Variants in CCDC187 observed in about 807,000 individuals in gnomAD.
CCDC187 encodes the protein coiled-coil domain containing 187.
CCDC187 carries 32 observed loss-of-function variants against 38.0 expected under a neutral mutation model. The observed-to-expected ratio is 0.84, with a 90% CI of 0.64 to 1.13. The LOEUF is 1.13. Ranked by LOEUF, CCDC187 falls within the 50% of genes most tolerant of loss-of-function variation. CCDC187 has a pLI of 0.00. For missense variants in CCDC187, 707 were observed against 786.8 expected, an observed-to-expected ratio of 0.90 and a Z score of 1.21; for synonymous variants, 333 against 347.9, an observed-to-expected ratio of 0.96 and a Z score of 0.48.
intron 12 of CCDC187, among the ~76,000 whole-genome samples, chr9:136,275,906 C>G (rs1830922655): frequency 6.6e-6 from 1 of 152,168 alleles, no homozygotes; most frequent in Non-Finnish European, 1.5e-5. Context: ...GCCTACCAAG[C>G]CTGGGACACG....
intron 9 of CCDC187, among the ~76,000 whole-genome samples, chr9:136,282,198 A>G (rs1014961849): frequency 1.2e-4 from 19 of 152,224 alleles, no homozygotes; most frequent in Non-Finnish European, 2.6e-4. Flanking sequence ...CCCACTGCTC[A>G]AGGCTGGCAC....
In CCDC187 at chr9:136,293,375, ACT is replaced by A. The variant is rs1256272419; in HGVS notation, c.833-1082_833-1081del. ...CTCACACACATTCACATGCTCACACACTCACACTCACATGCTCACACACTCAC... is the reference window on the plus strand; with the variant it reads ...CTCACACACATTCACATGCTCACACACACACTCACATGCTCACACACTCAC... On this transcript the variant is annotated intron_variant, in intron 4 of 25. Coordinates refer to ENST00000638797, the MANE Select transcript of CCDC187 (RefSeq NM_001378188.1). 7.8e-3 allele frequency among the ~76,000 whole-genome samples: 1,090 copies of A among 139,038 alleles called. 22 individuals are homozygous for A. The highest frequency in any genetic ancestry group is 0.013 in the Non-Finnish European group (831 of 63,964). 91.2% of individuals were successfully genotyped at this position (139,038 alleles called of 152,430 possible).
Position 136,285,514 on chromosome 9 carries a change from T to C in CCDC187, c.2926A>G (p.Ser976Gly). ...GGGCAGGTGGGCAGGTGGTCTTACC[T>C]CCCCGCAGAGGGGCTGAGGGCCTGG... Reference protein sequence around the residue: ...PFQALSPSAGSSYAGPATLHP... With the variant: ...PFQALSPSAGGSYAGPATLHP... Residue 976 changes from serine (S) to glycine (G), a missense_variant and splice_region_variant, in exon 9 of 26, where the codon AGC becomes GGC. Transcript: ENST00000638797. The C allele has an allele frequency of 2.5e-6, 1 of 406,932 alleles. No homozygotes were observed. Among genetic ancestry groups the C allele is most frequent in the Non-Finnish European group, 4.3e-6 (1 of 230,742 alleles). 25.2% of individuals were successfully genotyped at this position (406,932 alleles called of 1,614,324 possible). A position where few individuals can be genotyped will look rare whatever the true frequency, so the allele number is the denominator to read the frequency against.
At chr9:136,276,384 GATCCT>G (rs1398709049) in intron 11 of CCDC187, 83 bp from the exon 12 acceptor site, 3 of 152,164 alleles carry the variant, frequency 2.0e-5, no homozygotes, top group Non-Finnish European at 4.4e-5. Flanking sequence ...CACCCCAAGG[GATCCT>G]ATGTCTGGGC....
At chr9:136,293,818 TCA>T (rs1290210194) in intron 4 of CCDC187, among the ~76,000 whole-genome samples, 1 of 150,548 alleles carries the variant, frequency 6.6e-6, no homozygotes, top group Non-Finnish European at 1.5e-5. Context: ...ACACATGCTC[TCA>T]CACTCACACT....
At chr9:136,265,868 G>A (rs1267481074) in intron 17 of CCDC187, 88 bp downstream of exon 17, 1 of 641,250 alleles carries the variant, frequency 1.6e-6, no homozygotes, top group Non-Finnish European at 1.9e-6. Flanking sequence ...CTCTGTTGCT[G>A]GGGAATGTTC....
rs782469777 is a variant in CCDC187, at chr9:136,258,604, C to T, written c.4366+328G>A. 198 of 756,192 alleles carry T rather than the reference C, an allele frequency of 2.6e-4. No homozygotes were observed. The highest frequency in any genetic ancestry group is 3.1e-4 in the Non-Finnish European group (191 of 620,776). The allele number at this position is 756,192 out of a possible 1,614,324, so 46.8% of individuals were successfully genotyped here. A position where few individuals can be genotyped will look rare whatever the true frequency, so the allele number is the denominator to read the frequency against. ...AAAATGTAATCGGTGCAGAAACCTC[C>T]GTCAGCTGAAGACGCTCAGGCAGTG... On this transcript the variant is annotated intron_variant, in intron 22 of 25. Transcript: ENST00000638797. This position sits in a 1 kb window ranked among gnomAD's most constrained non-coding sequence, Gnocchi z 4.3.
chr9:136,266,007 G>A lies in CCDC187; in HGVS notation c.3684C>T (p.Ala1228=), dbSNP rs1200093128. The A allele has an allele frequency of 1.4e-5, 14 of 985,384 alleles. No individual in the cohort carries two copies. In the South Asian group the frequency reaches 2.8e-4, roughly 20 times the overall value. The allele number at this position is 985,384 out of a possible 1,614,324, so 61.0% of individuals were successfully genotyped here. A position where few individuals can be genotyped will look rare whatever the true frequency, so the allele number is the denominator to read the frequency against. The change falls in exon 17 of 26, where the codon GCC becomes GCT. Residue 1228 remains alanine (A), a synonymous_variant. Transcript: ENST00000638797. ...LDSKRDRAVL[A]ALVEKQQQAL... Reference sequence around the variant, plus strand: ...CTTGCTGCTGCTTCTCAACCAGCGCGGCCAGCACAGCTCTGTCCCTCTTGC... The same window carrying A: ...CTTGCTGCTGCTTCTCAACCAGCGCAGCCAGCACAGCTCTGTCCCTCTTGC...
chr9:136,288,916 C>T (rs1439439621), intron 7 of CCDC187, among the ~76,000 whole-genome samples: 4 of 152,232 alleles, frequency 2.6e-5, no homozygotes, highest in Non-Finnish European at 4.4e-5. Context: ...CAGAGGTGCA[C>T]GTGCCCATGC....
At chr9:136,305,402 C>T (rs1366342091), upstream of CCDC187, among the ~76,000 whole-genome samples, 2 of 152,202 alleles carry the variant, frequency 1.3e-5, no homozygotes, top group Non-Finnish European at 2.9e-5. Flanking sequence ...CACTTCCAGC[C>T]CCCTTCCATT....
intron 11 of CCDC187, among the ~76,000 whole-genome samples, 172 bp from the exon 12 acceptor site, chr9:136,276,473 G>A (rs1405408418): frequency 6.6e-5 from 10 of 151,958 alleles, no homozygotes; most frequent in East Asian, 3.9e-4. Context: ...AAGGCCAGGC[G>A]CCCTCTGTCT....
At chr9:136,265,906 T>G (rs1830738227) in intron 17 of CCDC187, 50 bp downstream of exon 17, 6 of 888,936 alleles carry the variant, frequency 6.7e-6, no homozygotes, top group Non-Finnish European at 6.7e-6. Context: ...ATGACACGAC[T>G]GCCTCTGTGA....
rs1830519514 is a variant in CCDC187 at position 136,250,286 on chromosome 9, C to T, written c.*3308G>A. The T allele has an allele frequency of 1.1e-5, 2 of 175,046 alleles. 1 individual carries two copies. Among genetic ancestry groups the T allele is most frequent in the Admixed American group, 1.1e-4 (2 of 18,052 alleles). 10.8% of individuals were successfully genotyped at this position (175,046 alleles called of 1,614,324 possible). On this transcript the variant is annotated 3_prime_UTR_variant, in exon 26 of 26. Coordinates refer to ENST00000638797, the MANE Select transcript of CCDC187 (RefSeq NM_001378188.1). ...CACGACCAGCCCCCTTCAAGGGCAC[C>T]CTACCACCTGCCAGCGACGCGAGGC... is the stretch of plus-strand genomic sequence containing the variant.
At chr9:136,260,057 G>C in intron 20 of CCDC187, 62 bp downstream of exon 20, 1 of 983,228 alleles carries the variant, frequency 1.0e-6, no homozygotes, top group Non-Finnish European at 1.2e-6. Flanking sequence ...ACCCCACACT[G>C]CCCAGGGCCC....
chr9:136,285,708 CAG>C (rs1175311566), intron 8 of CCDC187, 102 bp from the exon 9 acceptor site: 1 of 397,964 alleles, frequency 2.5e-6, no homozygotes, highest in Non-Finnish European at 4.4e-6. Context: ...ACACACCTGA[CAG>C]GGGTGGGGGT....
Position 136,290,604 on chromosome 9 carries a change from C to G in CCDC187, c.2009G>C (p.Arg670Pro). 1 of 398,588 alleles carries G rather than the reference C, an allele frequency of 2.5e-6. No homozygotes were observed. 24.7% of individuals were successfully genotyped at this position (398,588 alleles called of 1,614,324 possible). The change falls in exon 6 of 26, where the codon CGG becomes CCG. Residue 670 changes from arginine (R) to proline (P), a missense_variant. Coordinates refer to ENST00000638797, the MANE Select transcript of CCDC187 (RefSeq NM_001378188.1). ...SALRTRELRS[R>P]RLQEVYRQQR... ...CTGCCGGTAGACCTCCTGCAGCCTC[C>G]GGCTCCTCAGCTCCCGTGTGCGCAG...
At chr9:136,268,292 G>A (rs1275087985) in intron 14 of CCDC187, 167 bp from the exon 15 acceptor site, 9 of 202,132 alleles carry the variant, frequency 4.5e-5, no homozygotes, top group Admixed American at 2.0e-4. Flanking sequence ...AAGACCACGC[G>A]GGAAGGGACA....
At chr9:136,261,923 G>A (rs1019065318) in intron 19 of CCDC187, among the ~76,000 whole-genome samples, 2 of 152,228 alleles carry the variant, frequency 1.3e-5, no homozygotes, top group Admixed American at 1.3e-4. Context: ...TCAGGAAGCC[G>A]GGAGGCTCTT....
At chr9:136,271,209 A>G (rs1373879486) in intron 14 of CCDC187, among the ~76,000 whole-genome samples, 1 of 152,228 alleles carries the variant, frequency 6.6e-6, no homozygotes, top group Non-Finnish European at 1.5e-5. Flanking sequence ...AGGTCGAAGA[A>G]TCTCAACAAA....
Sources: gnomAD v4.1 joint callset for allele counts (sites outside exome capture counted in the v4.1 genomes callset) on GRCh38, gnomAD v4.1.1 for gene constraint, Gnocchi (gnomAD v3.1) non-coding constraint, MANE v1.5 for transcripts, NCBI Gene and HGNC (gene_info 2026-07-23, HGNC 2026-07-21) for gene names.